The following SELENOO variants were observed in gnomAD, a reference collection of about 807,000 sequenced individuals.
The protein encoded by SELENOO is protein adenylyltransferase SelO, mitochondrial.
In SELENOO, 74 loss-of-function variants were observed where a neutral mutation model predicts 58.7. That is an observed-to-expected ratio of 1.26 (90% CI 1.04 to 1.53). The LOEUF (loss-of-function observed/expected upper bound fraction) is 1.53. Among genes scored for constraint, SELENOO ranks in the 40% most tolerant of loss-of-function variants. The pLI is 0.00. For synonymous variants in SELENOO, 543 were observed against 453.2 expected (o/e 1.20, Z -2.52); for missense variants, 1,149 against 970.0 (o/e 1.18, Z -2.45).
At chr22:50,210,541 C>A in intron 4 of SELENOO, 90 bp from the exon 5 acceptor site, 1 of 1,578,502 alleles carries the variant, frequency 6.3e-7, no homozygotes, top group Non-Finnish European at 8.6e-7. Context: ...CACTTGGGAC[C>A]TTCCCCTGGG....
At chr22:50,207,963 C>T (rs1402599894) in intron 2 of SELENOO, among the ~76,000 whole-genome samples, 1 of 150,616 alleles carries the variant, frequency 6.6e-6, no homozygotes, top group African/African-American at 2.4e-5. Context: ...TTTCTACACC[C>T]ATGGGCCTGC....
intron 2 of SELENOO, among the ~76,000 whole-genome samples, chr22:50,207,908 A>G (rs2064342957): frequency 6.8e-6 from 1 of 146,528 alleles, no homozygotes; most frequent in Non-Finnish European, 1.5e-5. Context: ...ACCTGCCGAA[A>G]ACACTCCTCG....
At chr22:50,201,792 C>T (rs1292656656) in intron 1 of SELENOO, among the ~76,000 whole-genome samples, 2 of 152,248 alleles carry the variant, frequency 1.3e-5, no homozygotes, top group Non-Finnish European at 2.9e-5. Flanking sequence ...CCACCAGGGA[C>T]GCCGCTCATG....
intron 2 of SELENOO, among the ~76,000 whole-genome samples, chr22:50,207,445 T>G (rs1410458626): frequency 6.6e-6 from 1 of 152,018 alleles, no homozygotes; most frequent in Non-Finnish European, 1.5e-5. Flanking sequence ...GTTTTTGATG[T>G]CACCTTGCCA....
chr22:50,204,665 A>G (rs981243302), intron 1 of SELENOO, among the ~76,000 whole-genome samples: 4 of 151,960 alleles, frequency 2.6e-5, no homozygotes, highest in Admixed American at 6.6e-5. Flanking sequence ...GCGGCTGTGG[A>G]GAAATTGGAA....
At chr22:50,201,721 C>T in intron 1 of SELENOO, 131 bp downstream of exon 1, 2 of 630,060 alleles carry the variant, frequency 3.2e-6, no homozygotes, top group Non-Finnish European at 4.5e-6. Flanking sequence ...CGCGGGAGCG[C>T]GGTGCTGGCA....
chr22:50,217,080 CATCGCGCAGA>C lies in SELENOO; in HGVS notation c.1800_1809del (p.Ile600MetfsTer18), dbSNP rs2064421792. 5 of 1,612,890 alleles carry C rather than the reference CATCGCGCAGA, an allele frequency of 3.1e-6. No homozygotes were observed. Among genetic ancestry groups the C allele is most frequent in the Non-Finnish European group, 4.2e-6 (5 of 1,179,962 alleles). On this transcript the variant is annotated frameshift_variant, in exon 8 of 9. Coordinates refer to ENST00000380903, the MANE Select transcript of SELENOO (RefSeq NM_031454.2). LOFTEE classifies it low-confidence loss of function (END_TRUNC). ...ACCCGAAGTACGTGCTGAGGAACTA[CATCGCGCAGA>C]ATGCCATCGAGGCTGCCGAGCGCGG...
At chr22:50,212,039 C>T (rs1013571911) in intron 5 of SELENOO, among the ~76,000 whole-genome samples, 2 of 152,120 alleles carry the variant, frequency 1.3e-5, no homozygotes, top group African/African-American at 4.8e-5. Flanking sequence ...CTGAATGTTG[C>T]GAGTATTTTG....
chr22:50,206,928 CAG>C (rs912950869), intron 2 of SELENOO, among the ~76,000 whole-genome samples: 6 of 152,110 alleles, frequency 3.9e-5, no homozygotes, highest in Admixed American at 3.9e-4. Flanking sequence ...AGGCTGGGGA[CAG>C]TGTCCAGAGC....
At chr22:50,213,130 G>C (rs1465874988) in intron 5 of SELENOO, among the ~76,000 whole-genome samples, 1 of 152,006 alleles carries the variant, frequency 6.6e-6, no homozygotes, top group Non-Finnish European at 1.5e-5. Flanking sequence ...GCATGATCTT[G>C]GCTCACTGCA....
chr22:50,215,048 G>A (rs573392190), intron 5 of SELENOO, among the ~76,000 whole-genome samples: 12 of 152,250 alleles, frequency 7.9e-5, no homozygotes, highest in African/African-American at 2.2e-4. Context: ...GTGTGTAGTC[G>A]ACTTTTTTGC....
At position 50,215,645 on chromosome 22, in the gene SELENOO, G is replaced by T. The variant is rs1177153790; in HGVS notation, c.1352-72G>T. The T allele has an allele frequency of 8.2e-6, 10 of 1,226,900 alleles. 1 individual carries two copies. In the East Asian group the frequency reaches 1.4e-4, roughly 17 times the overall value. 76.0% of individuals were successfully genotyped at this position (1,226,900 alleles called of 1,614,324 possible). A position where few individuals can be genotyped will look rare whatever the true frequency, so the allele number is the denominator to read the frequency against. On this transcript the variant is annotated intron_variant, in intron 5 of 8. Transcript: ENST00000380903. ...CCTGTGCCAGGGGGGTGGGGGGGGG[G>T]GGGTCTGTGTGGCACCAGGACAGGG...
At chr22:50,204,290 C>T (rs1284980177) in intron 1 of SELENOO, among the ~76,000 whole-genome samples, 1 of 151,990 alleles carries the variant, frequency 6.6e-6, no homozygotes, top group East Asian at 1.9e-4. Flanking sequence ...AAGATCACAC[C>T]ACTGCACTTC....
intron 2 of SELENOO, among the ~76,000 whole-genome samples, chr22:50,208,043 G>C (rs1435537886): frequency 6.6e-6 from 1 of 151,572 alleles, no homozygotes; most frequent in Non-Finnish European, 1.5e-5. Context: ...CGTGGAATAT[G>C]TCTGTGTGTC....
intron 1 of SELENOO, among the ~76,000 whole-genome samples, chr22:50,204,916 A>C (rs917458343): frequency 1.3e-5 from 2 of 152,250 alleles, no homozygotes; most frequent in African/African-American, 4.8e-5. Flanking sequence ...ATTCATCCTT[A>C]AGAAAGAAGA....
intron 1 of SELENOO, among the ~76,000 whole-genome samples, chr22:50,204,721 G>T (rs1237572640): frequency 6.6e-6 from 1 of 152,146 alleles, no homozygotes; most frequent in African/African-American, 2.4e-5. Context: ...GAGTTGCTGT[G>T]GAAAACAGTG....
At chr22:50,214,560 G>A (rs1346041535) in intron 5 of SELENOO, among the ~76,000 whole-genome samples, 4 of 152,044 alleles carry the variant, frequency 2.6e-5, no homozygotes, top group African/African-American at 7.3e-5. Context: ...CTGAGATCAC[G>A]CCACTGCACT....
intron 1 of SELENOO, among the ~76,000 whole-genome samples, chr22:50,204,988 CAGAG>C (rs772223112): frequency 6.6e-6 from 1 of 152,212 alleles, no homozygotes; most frequent in Non-Finnish European, 1.5e-5. Flanking sequence ...AAGCTGGTCA[CAGAG>C]AGACAAATCC....
intron 1 of SELENOO, among the ~76,000 whole-genome samples, chr22:50,203,762 G>GA (rs2064316139): frequency 6.6e-6 from 1 of 152,208 alleles, no homozygotes; most frequent in Non-Finnish European, 1.5e-5. Context: ...AGAAAATAGG[G>GA]AAAATGCCTC....
Sources: gnomAD v4.1 joint callset for allele counts (sites outside exome capture counted in the v4.1 genomes callset) on GRCh38, gnomAD v4.1.1 for gene constraint, MANE v1.5 for transcripts, NCBI Gene and HGNC (gene_info 2026-07-23, HGNC 2026-07-21) for gene names.